KCNIP4: variants seen among roughly 807,000 people sequenced by gnomAD.
KCNIP4 encodes Kv channel-interacting protein 4.
Under a neutral mutation model 34.0 loss-of-function variants are expected in KCNIP4, and 12 were observed. That is an observed-to-expected ratio of 0.35 (90% CI 0.23 to 0.57). KCNIP4 has a LOEUF of 0.57. Among genes scored for constraint, KCNIP4 ranks in the 20% least tolerant of loss-of-function variants. KCNIP4 has a pLI of 0.83. For missense variants in KCNIP4, 238 were observed against 311.7 expected (o/e 0.76, Z 1.78); for synonymous variants, 124 against 102.2 (o/e 1.21, Z -1.29).
At chr4:21,507,767 G>T (rs187061005) in intron 1 of KCNIP4, among the ~76,000 whole-genome samples, 1 of 152,148 alleles carries the variant, frequency 6.6e-6, no homozygotes, top group Non-Finnish European at 1.5e-5. Flanking sequence ...TGAACTAACA[G>T]GATAAAATTA....
At chr4:21,010,074 A>G (rs1461220548) in intron 1 of KCNIP4, among the ~76,000 whole-genome samples, 1 of 152,004 alleles carries the variant, frequency 6.6e-6, no homozygotes, top group African/African-American at 2.4e-5. Flanking sequence ...TTCCCAAAGG[A>G]CTCTTCTTCA....
chr4:20,786,170 T>C (rs1711960963), intron 3 of KCNIP4, among the ~76,000 whole-genome samples: 1 of 152,060 alleles, frequency 6.6e-6, no homozygotes, highest in South Asian at 2.1e-4. Context: ...TGGAGGACAT[T>C]ACCCTACGTA....
intron 1 of KCNIP4, among the ~76,000 whole-genome samples, chr4:21,739,174 G>A (rs939569563): frequency 7.9e-5 from 12 of 151,996 alleles, no homozygotes; most frequent in African/African-American, 2.7e-4. Flanking sequence ...TTGAATCTCC[G>A]AATTTGTTTT....
At chr4:21,372,536 G>C (rs1237247715) in intron 1 of KCNIP4, among the ~76,000 whole-genome samples, 1 of 146,916 alleles carries the variant, frequency 6.8e-6, no homozygotes, top group Admixed American at 6.6e-5. Flanking sequence ...GATTACAGCA[G>C]GTAGGTTTCT....
chr4:21,060,851 CTTCT>C (rs1743853918), intron 1 of KCNIP4, among the ~76,000 whole-genome samples: 1 of 152,126 alleles, frequency 6.6e-6, no homozygotes, highest in African/African-American at 2.4e-5. Flanking sequence ...GAGCTATCTC[CTTCT>C]ATTTGTATAT....
chr4:21,553,508 T>A (rs948347934), intron 1 of KCNIP4, among the ~76,000 whole-genome samples: 1 of 152,164 alleles, frequency 6.6e-6, no homozygotes, highest in East Asian at 1.9e-4. Flanking sequence ...TCTGGAAGCC[T>A]TTTAAGACGC....
intron 1 of KCNIP4, among the ~76,000 whole-genome samples, chr4:21,861,208 G>C (rs1725053987): frequency 6.6e-6 from 1 of 152,142 alleles, no homozygotes; most frequent in Admixed American, 6.5e-5. Flanking sequence ...CCTTAAAGAT[G>C]TTTTTCAAGT....
intron 1 of KCNIP4, among the ~76,000 whole-genome samples, chr4:21,232,120 C>G (rs1397776583): frequency 6.6e-6 from 1 of 152,096 alleles, no homozygotes; most frequent in East Asian, 1.9e-4. Flanking sequence ...CCTCAGTGCT[C>G]AGGCCCTGTC....
intron 1 of KCNIP4, among the ~76,000 whole-genome samples, chr4:21,683,220 C>T (rs565120937): frequency 1.8e-3 from 269 of 152,210 alleles, no homozygotes; most frequent in Non-Finnish European, 3.1e-3. Flanking sequence ...ATTAAAGACA[C>T]AACAGACCTT....
intron 1 of KCNIP4, among the ~76,000 whole-genome samples, chr4:21,499,875 G>C (rs1560463528): frequency 6.6e-6 from 1 of 152,042 alleles, no homozygotes; most frequent in Non-Finnish European, 1.5e-5. Context: ...ATATCCAACT[G>C]TTTATGCACA....
chr4:21,037,684 C>T (rs549250972), intron 1 of KCNIP4, among the ~76,000 whole-genome samples: 12 of 152,192 alleles, frequency 7.9e-5, no homozygotes, highest in African/African-American at 9.6e-5. Flanking sequence ...GTATCACACG[C>T]GGTCTTTGCT....
intron 1 of KCNIP4, among the ~76,000 whole-genome samples, chr4:20,892,880 A>G (rs1726083149): frequency 6.6e-6 from 1 of 152,218 alleles, no homozygotes; most frequent in South Asian, 2.1e-4. Context: ...AAGATTGACC[A>G]ATTGAACCTC....
intron 1 of KCNIP4, among the ~76,000 whole-genome samples, chr4:20,885,659 A>C (rs944256271): frequency 4.6e-5 from 7 of 152,202 alleles, no homozygotes; most frequent in African/African-American, 1.7e-4. Flanking sequence ...AATCAGCTCT[A>C]TCTGGGCAGC....
intron 1 of KCNIP4, among the ~76,000 whole-genome samples, chr4:21,176,991 C>T (rs972963521): frequency 5.3e-5 from 8 of 152,202 alleles, no homozygotes; most frequent in African/African-American, 1.7e-4. Context: ...CAGACACTAT[C>T]TATTTACATT....
intron 1 of KCNIP4, among the ~76,000 whole-genome samples, chr4:20,921,871 T>C (rs1729418887): frequency 6.6e-6 from 1 of 152,242 alleles, no homozygotes; most frequent in Non-Finnish European, 1.5e-5. Context: ...ATCTCTATTA[T>C]ATTTGTCATG....
At chr4:20,832,553 T>C (rs1372952838) in intron 3 of KCNIP4, among the ~76,000 whole-genome samples, 3 of 152,308 alleles carry the variant, frequency 2.0e-5, no homozygotes, top group South Asian at 2.1e-4. Context: ...TCATATTATA[T>C]GCATGTCTCA....
chr4:21,476,685 T>C (rs1314328046), intron 1 of KCNIP4, among the ~76,000 whole-genome samples: 1 of 152,220 alleles, frequency 6.6e-6, no homozygotes, highest in Non-Finnish European at 1.5e-5. Flanking sequence ...CAAAGACAAG[T>C]TAATATGAGT....
intron 1 of KCNIP4, among the ~76,000 whole-genome samples, chr4:21,376,236 A>G (rs1720949915): frequency 6.6e-6 from 1 of 152,168 alleles, no homozygotes; most frequent in South Asian, 2.1e-4. Context: ...ATTTTGTGAA[A>G]CCTAATATAA....
At chr4:21,020,209 T>C (rs539772463) in intron 1 of KCNIP4, among the ~76,000 whole-genome samples, 5 of 152,292 alleles carry the variant, frequency 3.3e-5, no homozygotes, top group African/African-American at 1.2e-4. Flanking sequence ...TTCTATGTCC[T>C]TGACTATTCT....
Sources: gnomAD v4.1 joint callset for allele counts (sites outside exome capture counted in the v4.1 genomes callset) on GRCh38, gnomAD v4.1.1 for gene constraint, MANE v1.5 for transcripts, NCBI Gene and HGNC (gene_info 2026-07-23, HGNC 2026-07-21) for gene names.